The following MRAP2 variants were observed in gnomAD, a reference collection of about 807,000 sequenced individuals.
The protein encoded by MRAP2 is melanocortin-2 receptor accessory protein 2.
A neutral mutation model predicts 17.4 loss-of-function variants in MRAP2; 20 were observed. The observed-to-expected ratio is 1.15, with a 90% CI of 0.81 to 1.67. The LOEUF is 1.67. MRAP2 is among the 40% of genes most tolerant of loss of function. MRAP2 has a pLI of 0.00. For synonymous variants in MRAP2, 96 were observed against 88.4 expected (o/e 1.09, Z -0.48); for missense variants, 238 against 240.0 (o/e 0.99, Z 0.05).
At chr6:84,127,283 ACT>A in the MRAP2 span, among the ~76,000 whole-genome samples, 2 of 152,070 alleles carry the variant, frequency 1.3e-5, no homozygotes. Context: ...ACTAACAATA[ACT>A]CTTGTTTTCT....
the MRAP2 span, among the ~76,000 whole-genome samples, chr6:84,129,918 G>A: frequency 6.6e-6 from 1 of 152,150 alleles, no homozygotes; most frequent in Non-Finnish European, 1.5e-5. Flanking sequence ...GGAGTGGTGA[G>A]AGAGGGCATC....
rs111886436 is a variant in MRAP2 at position 84,075,820 on chromosome 6, G to A, written c.227+12828G>A. 3.8e-3 allele frequency among the ~76,000 whole-genome samples: 578 copies of A among 152,236 alleles called. 2 individuals carry two copies. Among genetic ancestry groups the A allele is most frequent in the African/African-American group, 0.013 (544 of 41,534 alleles). ...TGGGAATTATATTCTATCTTGAATA[G>A]CAATTTACCTGAATATGGCACTCAT... On this transcript the variant is annotated intron_variant, in intron 3 of 3. Transcript: ENST00000257776.
At chr6:84,078,234 C>T (rs141253728) in intron 3 of MRAP2, among the ~76,000 whole-genome samples, 34 of 152,274 alleles carry the variant, frequency 2.2e-4, no homozygotes, top group African/African-American at 6.5e-4. Flanking sequence ...ATGCAATACA[C>T]ATAACTGACA....
At chr6:84,106,067 G>A in the MRAP2 span, among the ~76,000 whole-genome samples, 2 of 152,022 alleles carry the variant, frequency 1.3e-5, no homozygotes, top group South Asian at 4.1e-4. Flanking sequence ...CCCCAGCCCT[G>A]CAAGGTACTG....
At chr6:84,033,648 G>C (rs1159284870), upstream of MRAP2, 2 of 979,450 alleles carry the variant, frequency 2.0e-6, no homozygotes, top group Non-Finnish European at 1.2e-6. Context: ...GCGGCCTCGC[G>C]CTGGGGAGGC....
downstream of MRAP2, among the ~76,000 whole-genome samples, chr6:84,093,326 C>T (rs756864519): frequency 3.9e-5 from 6 of 152,050 alleles, no homozygotes; most frequent in Non-Finnish European, 8.8e-5. Context: ...CTTGACTCAC[C>T]GAGGCACCAG....
At chr6:84,042,738 T>C (rs1469544531) in intron 1 of MRAP2, among the ~76,000 whole-genome samples, 1 of 152,248 alleles carries the variant, frequency 6.6e-6, no homozygotes, top group Non-Finnish European at 1.5e-5. Flanking sequence ...TTGATTGTCC[T>C]GAGGTTGCAG....
chr6:84,138,936 C>T, the MRAP2 span, among the ~76,000 whole-genome samples: 4 of 152,158 alleles, frequency 2.6e-5, no homozygotes, highest in Non-Finnish European at 4.4e-5. Context: ...CTGACACTTG[C>T]GTAATTGTAG....
downstream of MRAP2, among the ~76,000 whole-genome samples, chr6:84,095,764 A>G (rs2099502569): frequency 6.6e-6 from 1 of 152,232 alleles, no homozygotes; most frequent in Non-Finnish European, 1.5e-5. Flanking sequence ...GAGAGAGGCG[A>G]CTTCAGGCAG....
intron 1 of MRAP2, among the ~76,000 whole-genome samples, chr6:84,034,490 GCCCCCGCTC>G (rs1308890638): frequency 1.1e-4 from 1 of 8,742 alleles, no homozygotes; most frequent in African/African-American, 4.3e-4. Flanking sequence ...CCCGCAACCC[GCCCCCGCTC>G]CCCCCGCCCG....
At chr6:84,108,929 GA>G in the MRAP2 span, among the ~76,000 whole-genome samples, 1 of 152,110 alleles carries the variant, frequency 6.6e-6, no homozygotes, top group Non-Finnish European at 1.5e-5. Flanking sequence ...ATTCAATAAG[GA>G]ATCCTTTCCC....
the MRAP2 span, among the ~76,000 whole-genome samples, chr6:84,105,711 G>T: frequency 6.6e-6 from 1 of 152,240 alleles, no homozygotes; most frequent in East Asian, 1.9e-4. Context: ...GCCTGGATTA[G>T]TCACTCTAGG....
intron 3 of MRAP2, among the ~76,000 whole-genome samples, chr6:84,085,793 C>T (rs997488574): frequency 6.6e-6 from 1 of 152,204 alleles, no homozygotes; most frequent in African/African-American, 2.4e-5. Context: ...TCCACAAGGA[C>T]ACTTCTCAGG....
rs1449057883 is a variant in MRAP2, at chr6:84,041,935, T to A, written c.-8+8052T>A. 5.3e-5 allele frequency among the ~76,000 whole-genome samples: 8 copies of A among 152,230 alleles called. No individual in the cohort carries two copies. The East Asian group carries it at 1.5e-3, about 29-fold the overall frequency. On this transcript the variant is annotated intron_variant, in intron 1 of 3. Coordinates refer to ENST00000257776, the MANE Select transcript of MRAP2 (RefSeq NM_138409.4). ...CTGTTGAGAAGGCATGATTGTGTTT[T>A]GAAATGTGAGGATATGAGATTTGGG...
Position 84,090,241 on chromosome 6 carries a change from C to T in MRAP2, c.*760C>T, listed in dbSNP as rs1045511291. 11 of 152,192 alleles carry T rather than the reference C, an allele frequency of 7.2e-5. No individual in the cohort carries two copies. The highest frequency in any genetic ancestry group is 3.9e-4 in the Admixed American group (6 of 15,276). The allele number at this position is 152,192 out of a possible 1,614,324, so 9.4% of individuals were successfully genotyped here. On this transcript the variant is annotated 3_prime_UTR_variant, in exon 4 of 4. Coordinates refer to ENST00000257776, the MANE Select transcript of MRAP2 (RefSeq NM_138409.4). ...GTATCTCTTGTAGGCTCTCTCAAAT[C>T]TCTGTACCTTCCACTTAACCCTAAT...
At chr6:84,038,537 G>C (rs1253314169) in intron 1 of MRAP2, among the ~76,000 whole-genome samples, 1 of 152,116 alleles carries the variant, frequency 6.6e-6, no homozygotes, top group East Asian at 1.9e-4. Context: ...TGTTGCCCAG[G>C]CTGGAGTGCA....
intron 3 of MRAP2, among the ~76,000 whole-genome samples, chr6:84,070,366 G>A (rs1428345377): frequency 6.6e-6 from 1 of 152,162 alleles, no homozygotes; most frequent in Non-Finnish European, 1.5e-5. Context: ...GCTCATTCAA[G>A]AGCAGGTGAT....
chr6:84,113,184 T>C, the MRAP2 span, among the ~76,000 whole-genome samples: 1 of 152,208 alleles, frequency 6.6e-6, no homozygotes, highest in South Asian at 2.1e-4. Flanking sequence ...TGTCTAATAT[T>C]GACAGTAGGG....
chr6:84,077,316 A>G (rs944433794), intron 3 of MRAP2, among the ~76,000 whole-genome samples: 7 of 152,144 alleles, frequency 4.6e-5, no homozygotes, highest in African/African-American at 1.7e-4. Context: ...TGACAGACAG[A>G]CTGGTGGAAG....
Sources: gnomAD v4.1 joint callset for allele counts (sites outside exome capture counted in the v4.1 genomes callset) on GRCh38, gnomAD v4.1.1 for gene constraint, MANE v1.5 for transcripts, NCBI Gene and HGNC (gene_info 2026-07-23, HGNC 2026-07-21) for gene names.